RBPJ: variants seen among roughly 807,000 people sequenced by gnomAD.
The protein encoded by RBPJ is recombining binding protein suppressor of hairless.
In RBPJ, 9 loss-of-function variants were observed where a neutral mutation model predicts 67.8. The ratio of observed to expected loss-of-function variants is 0.13; its 90% confidence interval spans 0.08 to 0.23. The LOEUF (loss-of-function observed/expected upper bound fraction) is 0.23, where lower values mean the gene tolerates loss of function less well. RBPJ is among the 10% of genes least tolerant of loss of function. RBPJ has a pLI of 1.00. For synonymous variants in RBPJ, 198 were observed against 203.3 expected, an observed-to-expected ratio of 0.97 and a Z score of 0.22; for missense variants, 305 against 595.6, an observed-to-expected ratio of 0.51 and a Z score of 5.08.
intron 1 of RBPJ, among the ~76,000 whole-genome samples, chr4:26,230,316 G>A (rs58055459): frequency 0.012 from 1,750 of 152,124 alleles, 29 homozygotes; most frequent in African/African-American, 0.039. Context: ...GGCAAACTTC[G>A]GTTTTAACTT....
At chr4:26,150,401 G>T in the RBPJ span, among the ~76,000 whole-genome samples, 1 of 152,202 alleles carries the variant, frequency 6.6e-6, no homozygotes, top group Non-Finnish European at 1.5e-5. Context: ...CCCACTGGGT[G>T]CAACCATGTT....
chr4:26,225,457 C>T (rs546081402), intron 1 of RBPJ, among the ~76,000 whole-genome samples: 31 of 152,196 alleles, frequency 2.0e-4, no homozygotes, highest in Admixed American at 1.5e-3. Flanking sequence ...GAAAGGGAGA[C>T]GGATGAACAG....
intron 1 of RBPJ, among the ~76,000 whole-genome samples, chr4:26,242,573 C>A (rs1287600982): frequency 1.3e-5 from 2 of 151,792 alleles, no homozygotes; most frequent in African/African-American, 4.8e-5. Context: ...TGCTGTTTGG[C>A]CTTTTGGTTG....
intron 1 of RBPJ, chr4:26,367,820 T>C (rs776861727): frequency 1.1e-4 from 16 of 152,204 alleles, no homozygotes; most frequent in Non-Finnish European, 2.4e-4. Context: ...AGCAGGGTGG[T>C]ATCAGCATAT....
chr4:26,264,583 T>G lies in RBPJ; in HGVS notation c.-166-97863T>G, dbSNP rs1438327590. 1.3e-5 allele frequency among the ~76,000 whole-genome samples: 2 copies of G among 152,158 alleles called. No individual in the cohort carries two copies. The highest frequency in any genetic ancestry group is 2.9e-5 in the Non-Finnish European group (2 of 68,024). On this transcript the variant is annotated intron_variant, in intron 1 of 4. Coordinates refer to the RBPJ transcript ENST00000512351. The surrounding 1 kb of genome is among the most constrained non-coding windows in gnomAD (Gnocchi z 4.1). ...TCCTGTTCATCTTTCCAGCCTTACTTCTCACCATATAGGCACATACACTCA... is the reference window on the plus strand; with the variant it reads ...TCCTGTTCATCTTTCCAGCCTTACTGCTCACCATATAGGCACATACACTCA...
At chr4:26,393,287 C>T (rs1731726857) in intron 2 of RBPJ, among the ~76,000 whole-genome samples, 2 of 152,164 alleles carry the variant, frequency 1.3e-5, no homozygotes, top group African/African-American at 4.8e-5. Flanking sequence ...ATGACCAAAT[C>T]TGTGATAACA....
At chr4:26,132,795 T>G in the RBPJ span, among the ~76,000 whole-genome samples, 1 of 152,192 alleles carries the variant, frequency 6.6e-6, no homozygotes, top group African/African-American at 2.4e-5. Context: ...TTTCTGTTAC[T>G]CTTTACTTCT....
intron 2 of RBPJ, 126 bp downstream of exon 2, chr4:26,386,517 T>C (rs915247716): frequency 3.3e-6 from 2 of 610,630 alleles, no homozygotes; most frequent in African/African-American, 3.8e-5. Flanking sequence ...AGCATAAACT[T>C]ATTCTCAAAC....
At position 26,288,341 on chromosome 4, in the gene RBPJ, C is replaced by T. The variant is rs118107882; in HGVS notation, c.-166-74105C>T. Among the ~76,000 whole-genome samples, 140 of 152,300 alleles carry T rather than the reference C, an allele frequency of 9.2e-4. 2 individuals carry two copies. The East Asian group carries it at 0.024, about 26-fold the overall frequency. ...TGAAGAATCTGTTTCCAAGGTGGCG[C>T]TCTCATGGCCGATGGCAGAGTCTTC... On this transcript the variant is annotated intron_variant, in intron 1 of 4. Transcript: ENST00000512351.
chr4:26,380,277 C>T (rs1172078439), intron 1 of RBPJ, among the ~76,000 whole-genome samples: 1 of 152,040 alleles, frequency 6.6e-6, no homozygotes, highest in African/African-American at 2.4e-5. Context: ...TATAGATGAA[C>T]GTCTGTGAAG....
At chr4:26,349,326 C>T (rs1458478181) in intron 1 of RBPJ, among the ~76,000 whole-genome samples, 3 of 152,176 alleles carry the variant, frequency 2.0e-5, no homozygotes, top group African/African-American at 4.8e-5. Flanking sequence ...CCCACCTCAG[C>T]GTCCCAAAGT....
intron 1 of RBPJ, among the ~76,000 whole-genome samples, chr4:26,184,793 G>C (rs141490732): frequency 6.6e-6 from 1 of 152,162 alleles, no homozygotes; most frequent in Non-Finnish European, 1.5e-5. Context: ...ATAGTTTGTC[G>C]GAAGGCACAG....
chr4:26,333,140 A>G (rs1724432518), intron 1 of RBPJ, among the ~76,000 whole-genome samples: 1 of 152,154 alleles, frequency 6.6e-6, no homozygotes, highest in African/African-American at 2.4e-5. Flanking sequence ...ATGCAAGAAT[A>G]GTGTATATGG....
At chr4:26,109,043 A>G in the RBPJ span, among the ~76,000 whole-genome samples, 1 of 151,554 alleles carries the variant, frequency 6.6e-6, no homozygotes, top group African/African-American at 2.4e-5. Flanking sequence ...CTTCCTCACT[A>G]GCCAGAAGGG....
chr4:26,151,727 T>C, the RBPJ span, among the ~76,000 whole-genome samples: 2 of 152,244 alleles, frequency 1.3e-5, no homozygotes, highest in African/African-American at 4.8e-5. Context: ...ATTTCCATTT[T>C]ACTATCGGTT....
At chr4:26,213,387 G>GT (rs1560213261) in intron 1 of RBPJ, among the ~76,000 whole-genome samples, 89 of 151,966 alleles carry the variant, frequency 5.9e-4, no homozygotes, top group East Asian at 5.6e-3. Context: ...CTGTTGTTTG[G>GT]GTTTTTTTTC....
chr4:26,212,763 G>T (rs73809263), intron 1 of RBPJ, among the ~76,000 whole-genome samples: 33 of 152,152 alleles, frequency 2.2e-4, no homozygotes, highest in African/African-American at 7.7e-4. Flanking sequence ...AGGCTTTGCT[G>T]GGTTCCTCAC....
chr4:26,353,952 CAG>C (rs1403154515), intron 1 of RBPJ, among the ~76,000 whole-genome samples: 2 of 150,612 alleles, frequency 1.3e-5, no homozygotes, highest in African/African-American at 4.9e-5. Flanking sequence ...TTTTTGGAGA[CAG>C]AGTCTCGCTC....
chr4:26,203,136 C>T (rs1577468046), intron 1 of RBPJ, among the ~76,000 whole-genome samples: 2 of 152,200 alleles, frequency 1.3e-5, no homozygotes, highest in African/African-American at 2.4e-5. Flanking sequence ...GTTTGAGGTC[C>T]AGTCTTATCC....
Sources: allele counts gnomAD v4.1 joint callset (sites outside exome capture counted in the v4.1 genomes callset), GRCh38; gene constraint gnomAD v4.1.1; non-coding constraint Gnocchi (gnomAD v3.1); transcripts MANE v1.5; gene names NCBI Gene and HGNC (gene_info 2026-07-23, HGNC 2026-07-21).